Variants in PCDHA2 observed in about 807,000 individuals in gnomAD.
PCDHA2 encodes the protein protocadherin alpha-2.
Under a neutral mutation model 66.0 loss-of-function variants are expected in PCDHA2, and 58 were observed. The observed-to-expected ratio is 0.88, with a 90% CI of 0.71 to 1.09. PCDHA2 has a LOEUF of 1.09. PCDHA2 is among the 50% of genes least tolerant of loss of function. The pLI is 0.00. For missense variants in PCDHA2, 1,267 were observed against 1,242.3 expected (o/e 1.02, Z -0.30); for synonymous variants, 634 against 554.0 (o/e 1.14, Z -2.03).
chr5:140,989,010 A>G (rs2097325577), intron 3 of PCDHA2: 1 of 152,226 alleles, frequency 6.6e-6, no homozygotes, highest in Non-Finnish European at 1.5e-5. Context: ...GAGACTTATT[A>G]TAGTTTCTTC....
chr5:140,871,185 T>C (rs782235765), intron 1 of PCDHA2: 1 of 1,613,600 alleles, frequency 6.2e-7, no homozygotes, highest in Admixed American at 1.7e-5. Flanking sequence ...CGCTGGTGGA[T>C]GTCAACGTGT....
chr5:140,826,610 G>A (rs1331422800), intron 1 of PCDHA2, among the ~76,000 whole-genome samples: 1 of 152,086 alleles, frequency 6.6e-6, no homozygotes, highest in Admixed American at 6.6e-5. Flanking sequence ...AATTAAGGGC[G>A]AAGTTGATAT....
At chr5:140,823,926 C>T (rs2150130404) in intron 1 of PCDHA2, 84 of 1,613,920 alleles carry the variant, frequency 5.2e-5, no homozygotes, top group Non-Finnish European at 6.2e-5. Flanking sequence ...TGCTGCTGTA[C>T]ACCGCGCTGC....
At chr5:140,828,188 T>A (rs2150152126) in intron 1 of PCDHA2, 3 of 1,614,140 alleles carry the variant, frequency 1.9e-6, no homozygotes, top group Non-Finnish European at 2.5e-6. Flanking sequence ...CCAGCTCCAC[T>A]ACTCCGTACC....
intron 1 of PCDHA2, chr5:140,836,028 G>A: frequency 6.2e-7 from 1 of 1,613,510 alleles, no homozygotes; most frequent in Non-Finnish European, 8.5e-7. Context: ...GGGCAGCAAC[G>A]TGACGCTGCA....
At chr5:140,862,594 A>T (rs2047439169) in intron 1 of PCDHA2, 2 of 509,414 alleles carry the variant, frequency 3.9e-6, no homozygotes, top group Non-Finnish European at 8.0e-6. Context: ...GCCCGAGTAC[A>T]TGGTGTTCGT....
In PCDHA2 at chr5:140,842,642, T is replaced by G. The variant is rs1554139236; in HGVS notation, c.2388+45290T>G. Reference sequence around the variant, plus strand: ...GCCTTCGCTGTGGGCCACCGCCAGCTTGTCTGTGGAGGTGGCCGACGTGAA... The same window carrying G: ...GCCTTCGCTGTGGGCCACCGCCAGCGTGTCTGTGGAGGTGGCCGACGTGAA... On this transcript the variant is annotated intron_variant, in intron 1 of 3. Transcript: ENST00000526136. 4.4e-6 allele frequency: 7 copies of G among 1,594,996 alleles called. 1 individual carries two copies. The Admixed American group carries it at 5.1e-5, about 12-fold the overall frequency.
At chr5:140,997,849 T>C (rs1554256029) in intron 3 of PCDHA2, among the ~76,000 whole-genome samples, 1 of 152,208 alleles carries the variant, frequency 6.6e-6, no homozygotes, top group African/African-American at 2.4e-5. Flanking sequence ...TACATTCTTA[T>C]ACATATTTCT....
intron 1 of PCDHA2, chr5:140,926,959 G>A: frequency 6.2e-7 from 1 of 1,604,022 alleles, no homozygotes; most frequent in Non-Finnish European, 8.5e-7. Context: ...GGGACAGCTC[G>A]AGTACTCAGT....
At chr5:140,860,726 G>T (rs73263824) in intron 1 of PCDHA2, 23,037 of 152,060 alleles carry the variant, frequency 0.15, 1,806 homozygotes, top group Middle Eastern at 0.2. Context: ...AGTTTTTTTG[G>T]TTTTTTTGTT....
intron 3 of PCDHA2, among the ~76,000 whole-genome samples, chr5:140,999,874 T>G (rs897953919): frequency 6.6e-6 from 1 of 152,122 alleles, no homozygotes; most frequent in Admixed American, 6.5e-5. Flanking sequence ...TTACTGAAAA[T>G]TAGCCCAGCT....
intron 1 of PCDHA2, among the ~76,000 whole-genome samples, chr5:140,925,358 C>A (rs1554202714): frequency 8.5e-5 from 13 of 152,094 alleles, no homozygotes; most frequent in Non-Finnish European, 1.9e-4. Flanking sequence ...GAATTTAGTG[C>A]TTCATAGTCA....
At position 140,853,383 on chromosome 5, in the gene PCDHA2, A is replaced by T. The variant is rs2150531366; in HGVS notation, c.2388+56031A>T. ...GGATCCAGAGATGGTAAAATTCAAAACAGCCTGTCAAGTTCAAAACAGAGA... is the reference window on the plus strand; with the variant it reads ...GGATCCAGAGATGGTAAAATTCAAATCAGCCTGTCAAGTTCAAAACAGAGA... On this transcript the variant is annotated intron_variant, in intron 1 of 3. Transcript: ENST00000526136. 4 of 985,712 alleles carry T rather than the reference A, an allele frequency of 4.1e-6. No homozygotes were observed. In the Admixed American group the frequency reaches 1.9e-4, roughly 47 times the overall value. The allele number at this position is 985,712 out of a possible 1,614,324, so 61.1% of individuals were successfully genotyped here.
chr5:140,841,277 C>T lies in PCDHA2; in HGVS notation c.2388+43925C>T. Reference sequence around the variant, plus strand: ...AGACTCTGAAAGTACAGTCGTTCATCTTTATATTAAGATAATATTTTCTGA... The same window carrying T: ...AGACTCTGAAAGTACAGTCGTTCATTTTTATATTAAGATAATATTTTCTGA... On this transcript the variant is annotated intron_variant, in intron 1 of 3. Coordinates refer to ENST00000526136, the MANE Select transcript of PCDHA2 (RefSeq NM_018905.3). 9 of 1,516,428 alleles carry T rather than the reference C, an allele frequency of 5.9e-6. 1 individual carries two copies. Among genetic ancestry groups the T allele is most frequent in the Non-Finnish European group, 8.0e-6 (9 of 1,128,112 alleles). The allele number at this position is 1,516,428 out of a possible 1,614,324, so 93.9% of individuals were successfully genotyped here. A position where few individuals can be genotyped will look rare whatever the true frequency, so the allele number is the denominator to read the frequency against.
chr5:140,877,361 A>G, intron 1 of PCDHA2: 6 of 1,613,976 alleles, frequency 3.7e-6, no homozygotes, highest in Non-Finnish European at 5.1e-6. Context: ...TACACTGGCG[A>G]GATCAGCACG....
chr5:140,895,772 C>T (rs1554186642), intron 1 of PCDHA2, among the ~76,000 whole-genome samples: 1 of 152,072 alleles, frequency 6.6e-6, no homozygotes, highest in Non-Finnish European at 1.5e-5. Flanking sequence ...TTTATGGCTG[C>T]ATAGTATTCA....
intron 1 of PCDHA2, among the ~76,000 whole-genome samples, chr5:140,944,212 G>A (rs2093625655): frequency 6.6e-6 from 1 of 152,158 alleles, no homozygotes; most frequent in Non-Finnish European, 1.5e-5. Flanking sequence ...TTTTTAAAGA[G>A]GGTTTTACTC....
At chr5:140,967,171 G>A (rs181864889) in intron 1 of PCDHA2, 2 of 1,611,944 alleles carry the variant, frequency 1.2e-6, no homozygotes, top group Non-Finnish European at 8.5e-7. Flanking sequence ...GCGCCGTTGA[G>A]GTGGAAATAT....
At chr5:140,801,600 A>G (rs377695293) in intron 1 of PCDHA2, 48 of 1,614,008 alleles carry the variant, frequency 3.0e-5, no homozygotes, top group Middle Eastern at 1.6e-4. Flanking sequence ...AGTTTTTCCA[A>G]TGGCTGTAAA....
Sources: gnomAD v4.1 joint callset for allele counts (sites outside exome capture counted in the v4.1 genomes callset) on GRCh38, gnomAD v4.1.1 for gene constraint, MANE v1.5 for transcripts, NCBI Gene and HGNC (gene_info 2026-07-23, HGNC 2026-07-21) for gene names.